RYR2: variants seen among roughly 807,000 people sequenced by gnomAD.
RYR2 encodes ryanodine receptor 2.
In RYR2, 227 loss-of-function variants were observed where a neutral mutation model predicts 601.1. That is an observed-to-expected ratio of 0.38 (90% CI 0.34 to 0.42). The LOEUF (loss-of-function observed/expected upper bound fraction) is 0.42. Among genes scored for constraint, RYR2 ranks in the 10% least tolerant of loss-of-function variants. The pLI, the probability that RYR2 is intolerant of heterozygous loss-of-function variation, is 1.00. For synonymous variants in RYR2, 2,223 were observed against 2,175.1 expected (o/e 1.02, Z -0.61); for missense variants, 4,646 against 6,156.5 (o/e 0.75, Z 8.21).
At chr1:237,549,202 A>G (rs1259572767) in intron 26 of RYR2, among the ~76,000 whole-genome samples, 1 of 152,186 alleles carries the variant, frequency 6.6e-6, no homozygotes, top group Non-Finnish European at 1.5e-5. Context: ...ATATTCAGGT[A>G]TTTGGGTATT....
chr1:237,618,766 G>T (rs958980528), intron 38 of RYR2, among the ~76,000 whole-genome samples: 1 of 152,142 alleles, frequency 6.6e-6, no homozygotes, highest in Non-Finnish European at 1.5e-5. Flanking sequence ...TCACCAGGCT[G>T]TAACAAGGTG....
chr1:237,579,248 C>CTTTTTTTTTTTT (rs546960253), intron 29 of RYR2, among the ~76,000 whole-genome samples: 3 of 68,094 alleles, frequency 4.4e-5, no homozygotes, highest in African/African-American at 1.5e-4. Flanking sequence ...TCTTCTTCTT[C>CTTTTTTTTTTTT]TTTTTTTTTT....
intron 26 of RYR2, among the ~76,000 whole-genome samples, chr1:237,549,499 A>T (rs967011195): frequency 6.6e-6 from 1 of 152,108 alleles, no homozygotes; most frequent in African/African-American, 2.4e-5. Context: ...ACTTGAGCCC[A>T]GGAGGTTGAG....
At chr1:237,215,710 G>A (rs1466521769) in intron 1 of RYR2, among the ~76,000 whole-genome samples, 3 of 152,088 alleles carry the variant, frequency 2.0e-5, no homozygotes, top group South Asian at 2.1e-4. Context: ...CTCCGTTTTT[G>A]GGATATGGTA....
At chr1:237,376,671 T>G (rs1701059014) in intron 7 of RYR2, among the ~76,000 whole-genome samples, 1 of 152,074 alleles carries the variant, frequency 6.6e-6, no homozygotes, top group South Asian at 2.1e-4. Context: ...CTCATGAGGC[T>G]TATGCTTGAC....
chr1:237,142,033 A>G (rs1419145510), intron 1 of RYR2, among the ~76,000 whole-genome samples: 1 of 152,354 alleles, frequency 6.6e-6, no homozygotes, highest in South Asian at 2.1e-4. Context: ...CCAGCCAATC[A>G]GATATATTCT....
chr1:237,724,184 C>CATATAT (rs35705894), intron 74 of RYR2, among the ~76,000 whole-genome samples: 1,963 of 136,706 alleles, frequency 0.014, 17 homozygotes, highest in Middle Eastern at 0.019. Context: ...TGTGTGTGTG[C>CATATAT]ATATATATAT....
Position 237,832,625 on chromosome 1 carries a change from A to G in RYR2, c.14882A>G (p.Gln4961Arg), listed in dbSNP as rs918363982. 1 of 1,611,338 alleles carries G rather than the reference A, an allele frequency of 6.2e-7. No homozygotes were observed. Among genetic ancestry groups the G allele is most frequent in the Non-Finnish European group, 8.5e-7 (1 of 1,177,982 alleles). ...CCAGCAGGGGATTGCTTCCGGAAAC[A>G]GTATGAAGACCAGCTAAATTAAACT... ...FFPAGDCFRK[Q>R]YEDQLN The change falls in exon 105 of 105, where the codon CAG becomes CGG. Residue 4961 changes from glutamine to arginine, a missense_variant. Gln to Arg is a conservative substitution (Grantham distance 43, BLOSUM62 1). This residue lies in a region of RYR2 where 55 missense variants were observed against 204.7 expected (regional missense o/e 0.27). Coordinates refer to ENST00000366574, the MANE Select transcript of RYR2 (RefSeq NM_001035.3).
intron 2 of RYR2, among the ~76,000 whole-genome samples, chr1:237,303,606 C>A (rs1693588268): frequency 1.3e-5 from 2 of 152,040 alleles, no homozygotes; most frequent in South Asian, 4.1e-4. Context: ...AGCTGGTTAT[C>A]CTTTAAAATT....
intron 44 of RYR2, 136 bp from the exon 45 acceptor site, chr1:237,638,221 C>A: frequency 9.6e-7 from 1 of 1,037,488 alleles, no homozygotes; most frequent in Non-Finnish European, 1.4e-6. Flanking sequence ...AGTAGATTAT[C>A]ATGAGAGCAA....
rs191428488 is a variant in RYR2, at chr1:237,312,987, C to T, written c.169-17891C>T. 9.2e-5 allele frequency among the ~76,000 whole-genome samples: 14 copies of T among 151,580 alleles called. No individual in the cohort carries two copies. In the East Asian group the frequency reaches 2.7e-3, roughly 29 times the overall value. On this transcript the variant is annotated intron_variant, in intron 2 of 104. Coordinates refer to ENST00000366574, the MANE Select transcript of RYR2 (RefSeq NM_001035.3). ...TGAAGCCAGTCCTTTATATTATTGA[C>T]TCACAAAGTTTTAATACAAGATATT...
chr1:237,689,694 C>A (rs1686768680), intron 63 of RYR2, among the ~76,000 whole-genome samples: 1 of 152,062 alleles, frequency 6.6e-6, no homozygotes, highest in South Asian at 2.1e-4. Context: ...CTTTATATCT[C>A]AAAGCGCATT....
intron 1 of RYR2, among the ~76,000 whole-genome samples, chr1:237,219,882 TC>T (rs1417894578): frequency 1.3e-5 from 2 of 152,208 alleles, no homozygotes; most frequent in Non-Finnish European, 2.9e-5. Flanking sequence ...TTTTGGAATC[TC>T]CCCTTTTCAT....
chr1:237,383,414 C>CTTTTTTTTTTTTTTTTTT (rs1558724426), intron 8 of RYR2, among the ~76,000 whole-genome samples: 3 of 64,784 alleles, frequency 4.6e-5, no homozygotes, highest in South Asian at 5.0e-4. Context: ...TTTCTTTTTT[C>CTTTTTTTTTTTTTTTTTT]TTGTTTTTTT....
intron 1 of RYR2, among the ~76,000 whole-genome samples, chr1:237,132,063 A>G (rs1672228502): frequency 6.6e-6 from 1 of 152,190 alleles, no homozygotes; most frequent in Non-Finnish European, 1.5e-5. Flanking sequence ...CACACACTGA[A>G]TAGGGTTGGT....
chr1:237,274,162 T>C (rs1356913734), intron 2 of RYR2, among the ~76,000 whole-genome samples: 2 of 149,390 alleles, frequency 1.3e-5, no homozygotes, highest in African/African-American at 4.9e-5. Context: ...TATTTAAATA[T>C]AAAAATGCAT....
intron 1 of RYR2, among the ~76,000 whole-genome samples, chr1:237,097,045 C>T (rs1023777820): frequency 2.0e-5 from 3 of 152,196 alleles, no homozygotes; most frequent in African/African-American, 7.2e-5. Context: ...TTGGGGTTGA[C>T]TAATGGCCTC....
chr1:237,741,790 C>G (rs191500637), intron 79 of RYR2, among the ~76,000 whole-genome samples: 1 of 152,024 alleles, frequency 6.6e-6, no homozygotes, highest in Admixed American at 6.6e-5. Context: ...TTAGTAGAGA[C>G]AGGGTTTCAC....
chr1:237,685,891 C>G (rs996760586), intron 62 of RYR2, among the ~76,000 whole-genome samples: 1 of 152,212 alleles, frequency 6.6e-6, no homozygotes, highest in Non-Finnish European at 1.5e-5. Context: ...TTCACTCAGA[C>G]ATTTGTAGAT....
Sources: gnomAD v4.1 joint callset for allele counts (sites outside exome capture counted in the v4.1 genomes callset) on GRCh38, gnomAD v4.1.1 for gene constraint, gnomAD v4.1.1 regional missense constraint, MANE v1.5 for transcripts, NCBI Gene and HGNC (gene_info 2026-07-23, HGNC 2026-07-21) for gene names.